TRPM4: variants seen among roughly 807,000 people sequenced by gnomAD.
TRPM4 encodes the protein calcium-activated non-selective cation channel 1.
Under a neutral mutation model 135.6 loss-of-function variants are expected in TRPM4, and 124 were observed. The ratio of observed to expected loss-of-function variants is 0.91; its 90% CI spans 0.79 to 1.06. TRPM4 has a LOEUF of 1.06. TRPM4 is among the 50% of genes least tolerant of loss of function. The probability of loss-of-function intolerance (pLI) is 0.00; values close to 1 mark genes in which losing one functional copy is unlikely to be tolerated. For synonymous variants in TRPM4, 745 were observed against 705.6 expected (o/e 1.06, Z -0.88); for missense variants, 1,658 against 1,671.4 (o/e 0.99, Z 0.14).
chr19:49,200,929 T>C, intron 19 of TRPM4, 144 bp downstream of exon 19: 1 of 844,752 alleles, frequency 1.2e-6, no homozygotes, highest in Admixed American at 2.2e-5. Flanking sequence ...ATACCCTATA[T>C]TCCCCATCAT....
chr19:49,208,017 T>A (rs1358820630), intron 20 of TRPM4, among the ~76,000 whole-genome samples: 1 of 152,112 alleles, frequency 6.6e-6, no homozygotes, highest in Admixed American at 6.6e-5. Context: ...GAGTCACATG[T>A]CCACTGGACA....
chr19:49,158,598 T>A (rs990075797), intron 2 of TRPM4: 1 of 283,400 alleles, frequency 3.5e-6, no homozygotes, highest in Non-Finnish European at 6.8e-6. Context: ...ATTCATTCAT[T>A]CATTCATTCA....
At chr19:49,203,327 G>A (rs960644776) in intron 20 of TRPM4, among the ~76,000 whole-genome samples, 4 of 151,662 alleles carry the variant, frequency 2.6e-5, no homozygotes, top group Admixed American at 1.3e-4. Context: ...CTACAGGCGT[G>A]CGCCACCACA....
At position 49,200,721 on chromosome 19, in the gene TRPM4, G is replaced by A. The variant is rs1221675016; in HGVS notation, c.2889G>A (p.Leu963=). The change falls in exon 19 of 25, where the codon CTG becomes CTA. Residue 963 remains leucine (L), a synonymous_variant. Coordinates refer to ENST00000252826, the MANE Select transcript of TRPM4 (RefSeq NM_017636.4). ...RPRDSDFPSI[L]RRVFYRPYLQ... Reference sequence around the variant, plus strand: ...GGGACAGTGACTTCCCAAGTATCCTGCGCCGCGTCTTCTACCGTCCCTACC... The same window carrying A: ...GGGACAGTGACTTCCCAAGTATCCTACGCCGCGTCTTCTACCGTCCCTACC... The A allele has an allele frequency of 6.2e-7, 1 of 1,614,096 alleles. No individual in the cohort carries two copies. Among genetic ancestry groups the A allele is most frequent in the Non-Finnish European group, 8.5e-7 (1 of 1,180,026 alleles).
rs1416074604 is a variant in TRPM4, at chr19:49,190,079, C to G, written c.2020-129C>G. 3.7e-6 allele frequency: 3 copies of G among 813,068 alleles called. No individual in the cohort carries two copies. The African/African-American group carries it at 5.0e-5, about 14-fold the overall frequency. The allele number at this position is 813,068 out of a possible 1,614,324, so 50.4% of individuals were successfully genotyped here. ...TTGCCTTTCACCACCGTTTCCCTAC[C>G]TCAATAGTTGTGGCTGTGACATTGG... On this transcript the variant is annotated intron_variant, in intron 14 of 24. Transcript: ENST00000252826.
intron 9 of TRPM4, among the ~76,000 whole-genome samples, chr19:49,173,118 G>C (rs1240284273): frequency 7.0e-6 from 1 of 143,706 alleles, no homozygotes; most frequent in African/African-American, 2.6e-5. Flanking sequence ...CTTCTCACCT[G>C]TCCATCCATG....
At chr19:49,170,927 TA>T (rs1967428525) in intron 6 of TRPM4, among the ~76,000 whole-genome samples, 1 of 150,586 alleles carries the variant, frequency 6.6e-6, no homozygotes, top group South Asian at 2.1e-4. Context: ...TACCAAAAAT[TA>T]AAAAGTTAGC....
chr19:49,165,998 CG>C (rs750098689), intron 2 of TRPM4, 42 bp from the exon 3 acceptor site: 207 of 1,550,474 alleles, frequency 1.3e-4, no homozygotes, highest in Admixed American at 3.1e-4. Flanking sequence ...GTGCTGGGGT[CG>C]GGGGGCAGCC....
intron 20 of TRPM4, among the ~76,000 whole-genome samples, chr19:49,206,023 C>T (rs1292471157): frequency 1.3e-5 from 2 of 151,970 alleles, no homozygotes; most frequent in Non-Finnish European, 2.9e-5. Context: ...TGCAGTGGCA[C>T]GATCTCTGCT....
At chr19:49,193,226 G>A (rs1487006576) in intron 16 of TRPM4, among the ~76,000 whole-genome samples, 1 of 151,692 alleles carries the variant, frequency 6.6e-6, no homozygotes, top group African/African-American at 2.4e-5. Context: ...GACTACAGGT[G>A]CCCGCCACCA....
intron 9 of TRPM4, among the ~76,000 whole-genome samples, chr19:49,179,720 T>C (rs981394772): frequency 6.6e-6 from 1 of 152,188 alleles, no homozygotes; most frequent in African/African-American, 2.4e-5. Flanking sequence ...GAGAGCTTCA[T>C]AGAATCGTAG....
chr19:49,170,361 G>C (rs759944125), intron 6 of TRPM4, among the ~76,000 whole-genome samples: 6 of 152,054 alleles, frequency 3.9e-5, no homozygotes, highest in Admixed American at 6.5e-5. Context: ...GCTAATTTTT[G>C]TATTTTTGGT....
Position 49,181,390 on chromosome 19 carries a change from CGTTTGGCT to C in TRPM4, c.1195_1202del (p.Leu399GlyfsTer11), listed in dbSNP as rs780978813. On this transcript the variant is annotated frameshift_variant, in exon 10 of 25. Transcript: ENST00000252826. LOFTEE classifies it high-confidence loss of function. ...GGCCTCAGCCTACCTGGATGAGCTG[CGTTTGGCT>C]GTGGCTTGGAACCGCGTGGACATTG... 5.6e-6 allele frequency: 9 copies of C among 1,613,960 alleles called. No homozygotes were observed. The highest frequency in any genetic ancestry group is 5.9e-6 in the Non-Finnish European group (7 of 1,180,002).
At chr19:49,197,007 CT>C (rs1968681739) in intron 17 of TRPM4, 133 bp downstream of exon 17, 1 of 875,172 alleles carries the variant, frequency 1.1e-6, no homozygotes, top group Admixed American at 2.9e-5. Flanking sequence ...TTGAGAACCC[CT>C]CTTAGGAAAG....
chr19:49,191,134 A>G (rs58980020), intron 16 of TRPM4, among the ~76,000 whole-genome samples: 5,543 of 152,228 alleles, frequency 0.036, 359 homozygotes, highest in African/African-American at 0.13. Context: ...CCATTTGTGA[A>G]GGACCCACCA....
Position 49,172,043 on chromosome 19 carries a change from C to A in TRPM4, c.1085C>A (p.Thr362Lys), listed in dbSNP as rs1425262719. 2 of 1,614,048 alleles carry A rather than the reference C, an allele frequency of 1.2e-6. No homozygotes were observed. Among genetic ancestry groups the A allele is most frequent in the Non-Finnish European group, 8.5e-7 (1 of 1,179,950 alleles). The change falls in exon 9 of 25, where the codon ACA (threonine) becomes AAA (lysine). Residue 362 changes from threonine (T) to lysine (K), a missense_variant. Coordinates refer to ENST00000252826, the MANE Select transcript of TRPM4 (RefSeq NM_017636.4). ...ATTATGACCCGGAAGGAGCTCCTGA[C>A]AGTCTATTCTTCTGAGGATGGGTCT... ...ERIMTRKELL[T>K]VYSSEDGSEE...
chr19:49,178,652 C>T (rs996304888), intron 9 of TRPM4, among the ~76,000 whole-genome samples: 14 of 151,964 alleles, frequency 9.2e-5, no homozygotes, highest in Admixed American at 2.0e-4. Context: ...GTATGGAACA[C>T]GGTGAGTCTG....
chr19:49,181,441 C>G lies in TRPM4; in HGVS notation c.1243C>G (p.Arg415Gly). The stretch of plus-strand genomic sequence containing the variant: ...GGACATTGCCCAGAGTGAACTCTTT[C>G]GGGGGGACATCCAATGGCGGGTGAG... ...RVDIAQSELF[R>G]GDIQWRSFHL... Residue 415 changes from arginine to glycine, a missense_variant, in exon 10 of 25, where the codon CGG becomes GGG. Around this residue, in one of 3 missense-constraint regions of TRPM4, gnomAD observed 1,412 missense variants for 1,408.7 expected, o/e 1.00. Coordinates refer to ENST00000252826, the MANE Select transcript of TRPM4 (RefSeq NM_017636.4). The G allele has an allele frequency of 6.2e-7, 1 of 1,606,174 alleles. No individual in the cohort carries two copies. Among genetic ancestry groups the G allele is most frequent in the Non-Finnish European group, 8.5e-7 (1 of 1,175,824 alleles).
At chr19:49,202,557 C>T (rs1294727676) in intron 20 of TRPM4, among the ~76,000 whole-genome samples, 1 of 151,962 alleles carries the variant, frequency 6.6e-6, no homozygotes, top group Non-Finnish European at 1.5e-5. Context: ...ACTATGTTGT[C>T]CATGCTAGTC....
Sources: gnomAD v4.1 joint callset for allele counts (sites outside exome capture counted in the v4.1 genomes callset) on GRCh38, gnomAD v4.1.1 for gene constraint, gnomAD v4.1.1 regional missense constraint, MANE v1.5 for transcripts, NCBI Gene and HGNC (gene_info 2026-07-23, HGNC 2026-07-21) for gene names.